Variants in CNGB3 observed in about 807,000 individuals in gnomAD.
The protein encoded by CNGB3 is cyclic nucleotide-gated channel beta-3.
In CNGB3, 86 loss-of-function variants were observed where a neutral mutation model predicts 92.8. The observed-to-expected ratio is 0.93, with a 90% CI of 0.78 to 1.11. The LOEUF (loss-of-function observed/expected upper bound fraction) is 1.11. Ranked by LOEUF, CNGB3 falls within the 50% of genes least tolerant of loss-of-function variation. The probability of loss-of-function intolerance (pLI) is 0.00; values close to 1 mark genes in which losing one functional copy is unlikely to be tolerated. For synonymous variants in CNGB3, 333 were observed against 332.7 expected (o/e 1.00, Z -0.01); for missense variants, 1,026 against 956.8 (o/e 1.07, Z -0.95).
In CNGB3 at chr8:86,583,030, T is replaced by TTCAAGTGATTCTCCTGCCTCAGTCTCTTG. The variant is rs1554605261; in HGVS notation, c.1782-3779_1782-3778insCAAGAGACTGAGGCAGGAGAATCACTTGA. 2.0e-3 allele frequency among the ~76,000 whole-genome samples: 6 copies of TTCAAGTGATTCTCCTGCCTCAGTCTCTTG among 2,984 alleles called. 1 individual carries two copies. The highest frequency in any genetic ancestry group is 5.0e-3 in the African/African-American group (1 of 202). 2.0% of individuals were successfully genotyped at this position (2,984 alleles called of 152,430 possible). On this transcript the variant is annotated intron_variant, in intron 15 of 17. Coordinates refer to ENST00000320005, the MANE Select transcript of CNGB3 (RefSeq NM_019098.5). ...GGCTTACTGCAACCTCTGCTTCCTG[T>TTCAAGTGATTCTCCTGCCTCAGTCTCTTG]AGCTGGGATTACAGGTGTCCACCAC...
chr8:86,635,411 G>T (rs1006852362), intron 10 of CNGB3, among the ~76,000 whole-genome samples: 2 of 151,962 alleles, frequency 1.3e-5, no homozygotes, highest in African/African-American at 4.8e-5. Context: ...ACAAACATAA[G>T]AATTACTTTC....
intron 15 of CNGB3, among the ~76,000 whole-genome samples, chr8:86,589,569 T>C (rs1487279960): frequency 6.6e-6 from 1 of 152,138 alleles, no homozygotes; most frequent in Non-Finnish European, 1.5e-5. Flanking sequence ...AAAGAACATC[T>C]TTATTTCTGC....
intron 3 of CNGB3, among the ~76,000 whole-genome samples, chr8:86,700,416 A>C (rs993627814): frequency 6.6e-6 from 1 of 152,218 alleles, no homozygotes; most frequent in African/African-American, 2.4e-5. Context: ...CATTTAAGTG[A>C]TAGTCATGGT....
At chr8:86,724,464 G>T (rs1825024406) in intron 3 of CNGB3, among the ~76,000 whole-genome samples, 1 of 152,040 alleles carries the variant, frequency 6.6e-6, no homozygotes, top group African/African-American at 2.4e-5. Flanking sequence ...AATATGTTTG[G>T]ATCAATCAAT....
At chr8:86,653,868 T>C in intron 7 of CNGB3, 144 bp downstream of exon 7, 2 of 679,610 alleles carry the variant, frequency 2.9e-6, no homozygotes, top group Non-Finnish European at 5.3e-6. Context: ...ATCAGGTAAT[T>C]ATTGAGAGGC....
chr8:86,585,478 A>ACCTGC (rs1482149781), intron 15 of CNGB3, among the ~76,000 whole-genome samples: 3 of 152,152 alleles, frequency 2.0e-5, no homozygotes, highest in Non-Finnish European at 4.4e-5. Flanking sequence ...GCAGTGTACA[A>ACCTGC]CCTGCACAGC....
chr8:86,660,112 C>A, intron 6 of CNGB3: 1 of 315,026 alleles, frequency 3.2e-6, no homozygotes. Flanking sequence ...AAAGCATGGT[C>A]TTTGCACATA....
intron 15 of CNGB3, among the ~76,000 whole-genome samples, chr8:86,599,361 C>A (rs1266850876): frequency 6.6e-6 from 1 of 152,112 alleles, no homozygotes. Flanking sequence ...GCGTTAACTG[C>A]ACAAATTGTT....
intron 3 of CNGB3, among the ~76,000 whole-genome samples, chr8:86,706,019 C>G (rs1389971597): frequency 6.6e-6 from 1 of 152,214 alleles, no homozygotes; most frequent in Non-Finnish European, 1.5e-5. Flanking sequence ...AGGCCCTACA[C>G]TGACAGTGAG....
At chr8:86,657,632 TG>T (rs1270277850) in intron 6 of CNGB3, 17 of 407,080 alleles carry the variant, frequency 4.2e-5, no homozygotes, top group South Asian at 2.7e-4. Context: ...CTGTGGGAGC[TG>T]GGGCACCTGG....
intron 6 of CNGB3, chr8:86,658,151 C>T (rs371026218): frequency 1.9e-5 from 10 of 534,544 alleles, no homozygotes; most frequent in Non-Finnish European, 3.1e-5. Context: ...GCCTCTGGCT[C>T]CTTCTGGACT....
At chr8:86,668,849 A>G (rs1823801581) in intron 4 of CNGB3, among the ~76,000 whole-genome samples, 1 of 152,052 alleles carries the variant, frequency 6.6e-6, no homozygotes, top group Admixed American at 6.6e-5. Flanking sequence ...GTGATGCAAC[A>G]AGACTATTCA....
At chr8:86,640,753 G>A (rs1020487397) in intron 10 of CNGB3, among the ~76,000 whole-genome samples, 14 of 121,804 alleles carry the variant, frequency 1.1e-4, no homozygotes, top group African/African-American at 3.6e-4. Flanking sequence ...TCATTATATG[G>A]TGAACTTTTT....
chr8:86,615,347 G>A (rs114113069), intron 13 of CNGB3, among the ~76,000 whole-genome samples: 4,262 of 152,210 alleles, frequency 0.028, 207 homozygotes, highest in African/African-American at 0.097. Flanking sequence ...GCTCACACCT[G>A]TAATCCCAGA....
At chr8:86,743,463 A>G in intron 1 of CNGB3, 36 bp downstream of exon 1, 1 of 1,613,464 alleles carries the variant, frequency 6.2e-7, no homozygotes. Context: ...AGAAATGATG[A>G]AAATCAAGGC....
At chr8:86,739,064 A>G (rs564274054) in intron 2 of CNGB3, among the ~76,000 whole-genome samples, 36 of 152,272 alleles carry the variant, frequency 2.4e-4, no homozygotes, top group Admixed American at 1.9e-3. Flanking sequence ...CTTTCTTTGT[A>G]ATGCAGTAGA....
At chr8:86,634,059 C>A (rs1286089549) in intron 10 of CNGB3, among the ~76,000 whole-genome samples, 2 of 151,850 alleles carry the variant, frequency 1.3e-5, no homozygotes, top group Admixed American at 1.3e-4. Context: ...TCATTACAGA[C>A]CAGATAGGAA....
intron 9 of CNGB3, among the ~76,000 whole-genome samples, chr8:86,644,148 C>G (rs555281680): frequency 6.6e-6 from 1 of 151,286 alleles, no homozygotes; most frequent in Admixed American, 6.6e-5. Flanking sequence ...GAAAGACATG[C>G]CTCAAAGGTC....
intron 7 of CNGB3, among the ~76,000 whole-genome samples, chr8:86,648,226 C>T (rs2131597795): frequency 6.6e-6 from 1 of 151,166 alleles, no homozygotes. Flanking sequence ...TAACATGGGG[C>T]TCTTCGACTA....
Sources: gnomAD v4.1 joint callset for allele counts (sites outside exome capture counted in the v4.1 genomes callset) on GRCh38, gnomAD v4.1.1 for gene constraint, MANE v1.5 for transcripts, NCBI Gene and HGNC (gene_info 2026-07-23, HGNC 2026-07-21) for gene names.